The following MIA3 variants were observed in gnomAD, a reference collection of about 807,000 sequenced individuals.
MIA3 encodes transport and Golgi organization protein 1 homolog.
A neutral mutation model predicts 192.4 loss-of-function variants in MIA3; 90 were observed. The ratio of observed to expected loss-of-function variants is 0.47; its 90% CI spans 0.39 to 0.56. MIA3 has a LOEUF of 0.56. Ranked by LOEUF, MIA3 falls within the 20% of genes least tolerant of loss-of-function variation. MIA3 has a pLI of 0.00. For synonymous variants in MIA3, 740 were observed against 792.8 expected, an observed-to-expected ratio of 0.93 and a Z score of 1.12; for missense variants, 2,123 against 2,269.4, an observed-to-expected ratio of 0.94 and a Z score of 1.31.
At chr1:222,665,047 A>G in intron 27 of MIA3, 1 of 455,412 alleles carries the variant, frequency 2.2e-6, no homozygotes, top group Non-Finnish European at 4.1e-6. Flanking sequence ...AAAAATCCAA[A>G]AATTAGCTGG....
chr1:222,632,149 A>G lies in MIA3; in HGVS notation c.3170-16A>G. Reference sequence around the variant, plus strand: ...TCATCAAGCTGTGCTAGCCCAGTGTATTCTTCTCACCCTAGAGATGCAACC... The same window carrying G: ...TCATCAAGCTGTGCTAGCCCAGTGTGTTCTTCTCACCCTAGAGATGCAACC... On this transcript the variant is annotated splice_polypyrimidine_tract_variant and intron_variant, in intron 4 of 27. Coordinates refer to ENST00000344922, the MANE Select transcript of MIA3 (RefSeq NM_198551.4). The G allele has an allele frequency of 6.2e-7, 1 of 1,612,608 alleles. No individual in the cohort carries two copies. The highest frequency in any genetic ancestry group is 8.5e-7 in the Non-Finnish European group (1 of 1,179,076).
rs1384553501 is a variant in MIA3 at position 222,658,754 on chromosome 1, A to G, written c.4640A>G (p.Glu1547Gly). 7 of 1,612,588 alleles carry G rather than the reference A, an allele frequency of 4.3e-6. No homozygotes were observed. The highest frequency in any genetic ancestry group is 5.9e-6 in the Non-Finnish European group (7 of 1,179,452). ...KLSQEEYERQ[E>G]REHRLSAADE... is the part of the protein sequence containing the mutation. ...AGTCAAGAAGAGTATGAACGGCAAG[A>G]AAGAGAGCACAGGCTGTCAGCTGCA... The change falls in exon 19 of 28, where the codon GAA becomes GGA. Residue 1547 changes from glutamate to glycine, a missense_variant. Glu to Gly is a moderately conservative substitution (Grantham distance 98). Around this residue, in one of 3 missense-constraint regions of MIA3, gnomAD observed 762 missense variants for 856.4 expected, o/e 0.89. Coordinates refer to ENST00000344922, the MANE Select transcript of MIA3 (RefSeq NM_198551.4).
At position 222,660,277 on chromosome 1, in the gene MIA3, T is replaced by C; in HGVS notation, c.5076T>C (p.Ala1692=). 1 of 1,613,974 alleles carries C rather than the reference T, an allele frequency of 6.2e-7. No homozygotes were observed. The highest frequency in any genetic ancestry group is 8.5e-7 in the Non-Finnish European group (1 of 1,179,854). The change falls in exon 24 of 28, where the codon GCT becomes GCC. Residue 1692 remains alanine, a synonymous_variant. Transcript: ENST00000344922. ...AGCCACCCGTGAGACCTCTCTCTGC[T>C]ACTCTCAATCGAAGAGATATGCCTA... ...TVEPPVRPLS[A]TLNRRDMPRS...
intron 27 of MIA3, 30 bp from the exon 28 acceptor site, chr1:222,665,279 A>T: frequency 6.7e-7 from 1 of 1,503,018 alleles, no homozygotes; most frequent in Non-Finnish European, 9.0e-7. Flanking sequence ...CGTTCCTAGG[A>T]ATTTACTGGA....
intron 6 of MIA3, among the ~76,000 whole-genome samples, chr1:222,634,674 G>C (rs1161710557): frequency 1.3e-5 from 2 of 152,150 alleles, no homozygotes; most frequent in East Asian, 3.9e-4. Flanking sequence ...CTTGAAGTTG[G>C]AGGCCAGGTT....
chr1:222,665,443 C>G lies in MIA3; in HGVS notation c.5548C>G (p.Pro1850Ala). 6.2e-7 allele frequency: 1 copy of G among 1,613,860 alleles called. No individual in the cohort carries two copies. The highest frequency in any genetic ancestry group is 8.5e-7 in the Non-Finnish European group (1 of 1,179,944). Residue 1850 changes from proline to alanine, a missense_variant, in exon 28 of 28, where the codon CCA becomes GCA. Transcript: ENST00000344922. ...APFRPLGSLG[P>A]REYFIPGTRL... is the part of the protein sequence containing the mutation. Reference sequence around the variant, plus strand: ...ATTTAGACCTTTAGGTTCACTTGGCCCAAGAGAGTACTTTATTCCTGGTAC... The same window carrying G: ...ATTTAGACCTTTAGGTTCACTTGGCGCAAGAGAGTACTTTATTCCTGGTAC...
intron 24 of MIA3, 119 bp from the exon 25 acceptor site, chr1:222,661,937 A>C: frequency 2.8e-6 from 2 of 705,678 alleles, no homozygotes; most frequent in Non-Finnish European, 4.8e-6. Flanking sequence ...TCCCTTCATA[A>C]ATATTGGGAG....
At position 222,628,349 on chromosome 1, in the gene MIA3, AAAAATATACT is replaced by A; in HGVS notation, c.1132_1141del (p.Asn378GlnfsTer23). On this transcript the variant is annotated frameshift_variant, in exon 4 of 28. Transcript: ENST00000344922. LOFTEE classifies it high-confidence loss of function. ...GCCCCCTGGCATCAAAAATGATGAT[AAAAATATACT>A]AACAACCTGGGGGGACACTATCTTC... 1 of 1,613,730 alleles carries A rather than the reference AAAAATATACT, an allele frequency of 6.2e-7. No individual in the cohort carries two copies. The highest frequency in any genetic ancestry group is 2.2e-5 in the East Asian group (1 of 44,880).
intron 24 of MIA3, 24 bp downstream of exon 24, chr1:222,660,338 C>A (rs749646053): frequency 6.3e-7 from 1 of 1,596,896 alleles, no homozygotes; most frequent in Non-Finnish European, 8.5e-7. Flanking sequence ...TGTTTCCTTG[C>A]AATACTCTTT....
intron 17 of MIA3, 28 bp from the exon 18 acceptor site, chr1:222,654,627 T>G (rs1291080781): frequency 6.2e-7 from 1 of 1,611,276 alleles, no homozygotes; most frequent in Non-Finnish European, 8.5e-7. Context: ...TGCACACATA[T>G]GGAACTCAAA....
At chr1:222,620,125 A>C (rs1661791115) in intron 1 of MIA3, among the ~76,000 whole-genome samples, 1 of 152,210 alleles carries the variant, frequency 6.6e-6, no homozygotes, top group South Asian at 2.1e-4. Flanking sequence ...AAAAACAAGT[A>C]GCCCCTTCCA....
In MIA3 at chr1:222,632,230, C is replaced by T. The variant is rs755729682; in HGVS notation, c.3235C>T (p.Pro1079Ser). The change falls in exon 5 of 28, where the codon CCT (proline) becomes TCT (serine). Residue 1079 changes from proline (P) to serine (S), a missense_variant. Transcript: ENST00000344922. Reference sequence around the variant, plus strand: ...GACAGCAGAACTTAATGTGCAGGTTCCTGAAGAACCCACCCACTTGGACCA... The same window carrying T: ...GACAGCAGAACTTAATGTGCAGGTTTCTGAAGAACCCACCCACTTGGACCA... ...EKTAELNVQV[P>S]EEPTHLDQRV... 9.9e-6 allele frequency: 16 copies of T among 1,614,114 alleles called. No homozygotes were observed. Among genetic ancestry groups the T allele is most frequent in the Admixed American group, 1.7e-5 (1 of 60,028 alleles).
At chr1:222,642,063 A>C (rs1248654015) in intron 6 of MIA3, among the ~76,000 whole-genome samples, 1 of 152,212 alleles carries the variant, frequency 6.6e-6, no homozygotes, top group Non-Finnish European at 1.5e-5. Context: ...GCATTATTAC[A>C]TACATATAAA....
chr1:222,650,970 A>G, intron 11 of MIA3, 67 bp downstream of exon 11: 3 of 911,944 alleles, frequency 3.3e-6, no homozygotes, highest in Non-Finnish European at 5.1e-6. Flanking sequence ...ATTGAGTTGA[A>G]CTCTTTATTT....
chr1:222,631,866 C>G (rs1662411299), intron 4 of MIA3, among the ~76,000 whole-genome samples: 1 of 152,152 alleles, frequency 6.6e-6, no homozygotes, highest in South Asian at 2.1e-4. Context: ...GAGTGGAATT[C>G]TCATTTGCAC....
In MIA3 at chr1:222,628,695, G is replaced by A. The variant is rs375824764; in HGVS notation, c.1475G>A (p.Gly492Asp). The change falls in exon 4 of 28, where the codon GGC becomes GAC. Residue 492 changes from glycine (G) to aspartate (D), a missense_variant. Gly to Asp is a moderately conservative substitution (Grantham distance 94). This residue lies in a region of MIA3 where 1,357 missense variants were observed against 1,396.1 expected (regional missense o/e 0.97). Coordinates refer to ENST00000344922, the MANE Select transcript of MIA3 (RefSeq NM_198551.4). Reference protein sequence around the residue: ...KTELEDENQEGMTVHSSVHSN... With the variant: ...KTELEDENQEDMTVHSSVHSN... Reference sequence around the variant, plus strand: ...GAATTAGAGGATGAAAATCAAGAAGGCATGACTGTGCACAGTTCTGTTCAC... The same window carrying A: ...GAATTAGAGGATGAAAATCAAGAAGACATGACTGTGCACAGTTCTGTTCAC... The A allele has an allele frequency of 5.0e-6, 8 of 1,613,930 alleles. No homozygotes were observed. Among genetic ancestry groups the A allele is most frequent in the Non-Finnish European group, 6.8e-6 (8 of 1,180,026 alleles).
At chr1:222,644,488 C>T (rs772144949) in intron 6 of MIA3, 1 of 1,550,580 alleles carries the variant, frequency 6.4e-7, no homozygotes. Flanking sequence ...GGACTCAGTA[C>T]CTGCCACTGT....
chr1:222,654,619 C>T, intron 17 of MIA3, 36 bp from the exon 18 acceptor site: 1 of 1,606,148 alleles, frequency 6.2e-7, no homozygotes, highest in Non-Finnish European at 8.5e-7. Flanking sequence ...AGTTCTTGTG[C>T]ACACATATGG....
Position 222,665,995 on chromosome 1 carries a change from T to C in MIA3, c.*376T>C, listed in dbSNP as rs1664263540. 1 of 160,634 alleles carries C rather than the reference T, an allele frequency of 6.2e-6. No individual in the cohort carries two copies. The highest frequency in any genetic ancestry group is 6.4e-5 in the Admixed American group (1 of 15,508). 10.0% of individuals were successfully genotyped at this position (160,634 alleles called of 1,614,324 possible). A position where few individuals can be genotyped will look rare whatever the true frequency, so the allele number is the denominator to read the frequency against. ...CTATTTTTAGTGTACACCAGCTGAATACGGAGCAATGGTGTTTATAAGCGT... is the reference window on the plus strand; with the variant it reads ...CTATTTTTAGTGTACACCAGCTGAACACGGAGCAATGGTGTTTATAAGCGT... On this transcript the variant is annotated 3_prime_UTR_variant, in exon 28 of 28. Transcript: ENST00000344922.
Sources: gnomAD v4.1 joint callset for allele counts (sites outside exome capture counted in the v4.1 genomes callset) on GRCh38, gnomAD v4.1.1 for gene constraint, gnomAD v4.1.1 regional missense constraint, MANE v1.5 for transcripts, NCBI Gene and HGNC (gene_info 2026-07-23, HGNC 2026-07-21) for gene names.